Variants in TBC1D1 observed in about 807,000 individuals in gnomAD.
TBC1D1 encodes the protein TBC1 domain family member 1, also known as TBC1 (tre-2/USP6, BUB2, cdc16) domain family, member 1.
A neutral mutation model predicts 125.6 loss-of-function variants in TBC1D1; 89 were observed. That is an observed-to-expected ratio of 0.71 (90% CI 0.60 to 0.85). The LOEUF (loss-of-function observed/expected upper bound fraction) is 0.85, where lower values mean the gene tolerates loss of function less well. TBC1D1 is among the 40% of genes least tolerant of loss of function. The pLI, the probability that TBC1D1 is intolerant of heterozygous loss-of-function variation, is 0.00. For missense variants in TBC1D1, 1,377 were observed against 1,469.2 expected, an observed-to-expected ratio of 0.94 and a Z score of 1.03; for synonymous variants, 565 against 564.1, an observed-to-expected ratio of 1.00 and a Z score of -0.02.
chr4:38,112,294 G>A (rs1258128833), intron 15 of TBC1D1, among the ~76,000 whole-genome samples: 1 of 152,218 alleles, frequency 6.6e-6, no homozygotes, highest in Non-Finnish European at 1.5e-5. Flanking sequence ...AGATTTCCCA[G>A]CTTATGTGCA....
chr4:38,114,815 T>G (rs1204891770), intron 15 of TBC1D1, among the ~76,000 whole-genome samples: 2 of 152,128 alleles, frequency 1.3e-5, no homozygotes, highest in Non-Finnish European at 2.9e-5. Flanking sequence ...AGGTAACTTT[T>G]GTGAAAAGAA....
In TBC1D1 at chr4:38,044,443, A is replaced by G. The variant is rs754960712; in HGVS notation, c.1495A>G (p.Lys499Glu). 38 of 1,613,664 alleles carry G rather than the reference A, an allele frequency of 2.4e-5. No homozygotes were observed. The East Asian group carries it at 8.5e-4, about 36-fold the overall frequency. Reference sequence around the variant, plus strand: ...ATTTAGGCTAGATATGCTGAAAAACAAAGCAAAGAGATCTTTAACAGAGTC... The same window carrying G: ...ATTTAGGCTAGATATGCTGAAAAACGAAGCAAAGAGATCTTTAACAGAGTC... Residue 499 changes from lysine to glutamate, a missense_variant, in exon 9 of 20, where the codon AAA becomes GAA. Coordinates refer to ENST00000261439, the MANE Select transcript of TBC1D1 (RefSeq NM_015173.4).
chr4:37,924,270 A>C (rs975948527), intron 2 of TBC1D1, among the ~76,000 whole-genome samples: 24 of 152,126 alleles, frequency 1.6e-4, no homozygotes, highest in African/African-American at 5.8e-4. Flanking sequence ...AGTCAGTTCA[A>C]GTTTATGGGT....
chr4:37,909,997 A>G (rs964579980), intron 2 of TBC1D1, among the ~76,000 whole-genome samples: 1 of 152,216 alleles, frequency 6.6e-6, no homozygotes, highest in Admixed American at 6.5e-5. Context: ...ATTTGTTGGA[A>G]GGTTTGGGTT....
chr4:38,106,678 T>C (rs188422042), intron 15 of TBC1D1, among the ~76,000 whole-genome samples: 5 of 152,300 alleles, frequency 3.3e-5, no homozygotes, highest in African/African-American at 1.2e-4. Context: ...CCTTCTTCTC[T>C]TCATTCCCCT....
At chr4:38,111,920 G>C (rs1762267061) in intron 15 of TBC1D1, 1 of 985,244 alleles carries the variant, frequency 1.0e-6, no homozygotes, top group South Asian at 4.7e-5. Context: ...TCCCCAGCCT[G>C]GTAGTGAACC....
At chr4:38,022,956 C>G (rs1744344502) in intron 6 of TBC1D1, among the ~76,000 whole-genome samples, 1 of 152,156 alleles carries the variant, frequency 6.6e-6, no homozygotes, top group East Asian at 1.9e-4. Flanking sequence ...TTATTATACA[C>G]CTGTAATTCC....
At chr4:38,104,242 C>T (rs1004604641) in intron 15 of TBC1D1, among the ~76,000 whole-genome samples, 4 of 151,022 alleles carry the variant, frequency 2.6e-5, no homozygotes, top group Non-Finnish European at 5.9e-5. Flanking sequence ...ATAGAAGGGC[C>T]TTGAGCACCG....
intron 12 of TBC1D1, among the ~76,000 whole-genome samples, chr4:38,084,647 T>C (rs1757165111): frequency 6.6e-6 from 1 of 152,252 alleles, no homozygotes; most frequent in African/African-American, 2.4e-5. Context: ...AGAGATTTAA[T>C]GTTCAATTTT....
intron 2 of TBC1D1, among the ~76,000 whole-genome samples, chr4:37,951,376 C>T (rs1029029025): frequency 6.6e-6 from 1 of 152,124 alleles, no homozygotes; most frequent in Non-Finnish European, 1.5e-5. Flanking sequence ...AATATTCTCT[C>T]TACTTTCCTA....
intron 12 of TBC1D1, among the ~76,000 whole-genome samples, chr4:38,056,059 C>A (rs954622952): frequency 2.6e-5 from 4 of 152,220 alleles, no homozygotes; most frequent in African/African-American, 9.6e-5. Flanking sequence ...ACTGCTTGCT[C>A]CATCATAGAA....
intron 2 of TBC1D1, among the ~76,000 whole-genome samples, chr4:38,000,479 G>A (rs1470546051): frequency 6.6e-6 from 1 of 152,144 alleles, no homozygotes; most frequent in Non-Finnish European, 1.5e-5. Context: ...AAAATGCTCT[G>A]ATGAGCATTT....
intron 2 of TBC1D1, among the ~76,000 whole-genome samples, chr4:37,948,981 A>G (rs761428130): frequency 6.6e-6 from 1 of 152,172 alleles, no homozygotes; most frequent in Non-Finnish European, 1.5e-5. Context: ...ATAATACTCT[A>G]TTGTATGGAT....
At chr4:38,022,128 A>G (rs1201265412) in intron 6 of TBC1D1, among the ~76,000 whole-genome samples, 1 of 152,258 alleles carries the variant, frequency 6.6e-6, no homozygotes, top group Non-Finnish European at 1.5e-5. Context: ...AACGTCTGCT[A>G]GTACAGTTTG....
At chr4:38,096,766 T>C (rs575792136) in intron 14 of TBC1D1, among the ~76,000 whole-genome samples, 8 of 152,338 alleles carry the variant, frequency 5.3e-5, no homozygotes, top group African/African-American at 1.7e-4. Flanking sequence ...GTGATCCTAA[T>C]TAAAAATGTG....
At chr4:38,125,837 A>G (rs1030452834) in intron 18 of TBC1D1, among the ~76,000 whole-genome samples, 4 of 152,200 alleles carry the variant, frequency 2.6e-5, no homozygotes, top group African/African-American at 9.6e-5. Context: ...ATGGAGGACT[A>G]TGCTCCTTAG....
At chr4:38,133,365 C>A in intron 19 of TBC1D1, 108 bp downstream of exon 21, 2 of 946,160 alleles carry the variant, frequency 2.1e-6, no homozygotes, top group Non-Finnish European at 3.2e-6. Flanking sequence ...AGGACCTTTC[C>A]CACCCTGATC....
intron 13 of TBC1D1, 92 bp downstream of exon 15, chr4:38,090,209 C>A: frequency 8.0e-7 from 1 of 1,247,236 alleles, no homozygotes; most frequent in Non-Finnish European, 1.2e-6. Context: ...CTTAAAAATA[C>A]AGCAGCACGA....
intron 8 of TBC1D1, among the ~76,000 whole-genome samples, chr4:38,043,291 C>T (rs1221853762): frequency 6.6e-6 from 1 of 150,874 alleles, no homozygotes. Flanking sequence ...ATTTTTGTTG[C>T]ATATTAAAAA....
Sources: allele counts gnomAD v4.1 joint callset (sites outside exome capture counted in the v4.1 genomes callset), GRCh38; gene constraint gnomAD v4.1.1; transcripts MANE v1.5; gene names NCBI Gene and HGNC (gene_info 2026-07-23, HGNC 2026-07-21).